Variants in MYT1L observed in about 807,000 individuals in gnomAD.
The protein encoded by MYT1L is myelin transcription factor 1 like.
A neutral mutation model predicts 126.7 loss-of-function variants in MYT1L; 12 were observed. That is an observed-to-expected ratio of 0.09 (90% CI 0.06 to 0.15). The LOEUF is 0.15. MYT1L is among the 10% of genes least tolerant of loss of function. MYT1L has a pLI of 1.00. For missense variants in MYT1L, 979 were observed against 1,585.2 expected (o/e 0.62, Z 6.49); for synonymous variants, 541 against 604.2 (o/e 0.90, Z 1.53).
At chr2:1,986,564 G>C (rs1353388490) in intron 5 of MYT1L, among the ~76,000 whole-genome samples, 3 of 152,202 alleles carry the variant, frequency 2.0e-5, no homozygotes, top group Non-Finnish European at 2.9e-5. Context: ...CAGTGGTGAT[G>C]CTTTCATAAA....
chr2:2,201,833 C>T (rs1380592037), intron 2 of MYT1L, among the ~76,000 whole-genome samples: 1 of 152,078 alleles, frequency 6.6e-6, no homozygotes, highest in East Asian at 1.9e-4. Context: ...CTTTTCTAAA[C>T]AATATTTCCA....
chr2:2,153,097 G>A (rs1287391859), intron 3 of MYT1L, among the ~76,000 whole-genome samples: 1 of 152,088 alleles, frequency 6.6e-6, no homozygotes, highest in Non-Finnish European at 1.5e-5. Flanking sequence ...CAGGTGTTCA[G>A]GACCAGCCTG....
intron 18 of MYT1L, among the ~76,000 whole-genome samples, chr2:1,873,274 T>C (rs2046475508): frequency 6.6e-6 from 1 of 152,212 alleles, no homozygotes; most frequent in Non-Finnish European, 1.5e-5. Flanking sequence ...TATAATAAAA[T>C]TAAAAACAAA....
chr2:2,115,899 G>C (rs939867778), intron 3 of MYT1L, among the ~76,000 whole-genome samples: 9 of 150,766 alleles, frequency 6.0e-5, no homozygotes, highest in African/African-American at 2.2e-4. Flanking sequence ...ACGTCCAGTC[G>C]ATGAAAACAG....
intron 2 of MYT1L, among the ~76,000 whole-genome samples, chr2:2,241,275 TTG>T (rs35742332): frequency 4.0e-5 from 6 of 150,828 alleles, no homozygotes; most frequent in South Asian, 4.2e-4. Context: ...AATACATCTT[TTG>T]TGTGTGTGTG....
chr2:1,957,752 G>T (rs1046919855), intron 8 of MYT1L, among the ~76,000 whole-genome samples: 1 of 152,252 alleles, frequency 6.6e-6, no homozygotes, highest in African/African-American at 2.4e-5. Flanking sequence ...GATGAAGGTC[G>T]CCGAGCATTT....
rs2050609345 is a variant in MYT1L, at chr2:1,903,435, A to G, written c.1818-141T>C. 3 of 677,846 alleles carry G rather than the reference A, an allele frequency of 4.4e-6. No homozygotes were observed. The South Asian group carries it at 6.0e-5, about 14-fold the overall frequency. The allele number at this position is 677,846 out of a possible 1,614,324, so 42.0% of individuals were successfully genotyped here. ...CTTGCACTAAAACTACAACTTTTTTATTTTCTGAATAAAAGACAAAATGTC... is the reference window on the plus strand; with the variant it reads ...CTTGCACTAAAACTACAACTTTTTTGTTTTCTGAATAAAAGACAAAATGTC... On this transcript the variant is annotated intron_variant, in intron 13 of 24. Coordinates refer to ENST00000647738, the MANE Select transcript of MYT1L (RefSeq NM_001303052.2).
At position 2,059,004 on chromosome 2, in the gene MYT1L, C is replaced by G. The variant is rs2070013518; in HGVS notation, c.-303-4881G>C. Among the ~76,000 whole-genome samples the G allele has an allele frequency of 6.6e-6, 1 of 152,174 alleles. No individual in the cohort carries two copies. The highest frequency in any genetic ancestry group is 1.5e-5 in the Non-Finnish European group (1 of 68,040). On this transcript the variant is annotated intron_variant, in intron 3 of 24. Coordinates refer to ENST00000647738, the MANE Select transcript of MYT1L (RefSeq NM_001303052.2). The surrounding 1 kb of genome is among the most constrained non-coding windows in gnomAD (Gnocchi z 4.7). Reference sequence around the variant, plus strand: ...CTTCAAGTGGAATATGAATTGAAACCATACCTAAGTGTGACTGCAGTTTAT... The same window carrying G: ...CTTCAAGTGGAATATGAATTGAAACGATACCTAAGTGTGACTGCAGTTTAT...
At chr2:1,946,722 T>C (rs1161219789) in intron 8 of MYT1L, among the ~76,000 whole-genome samples, 1 of 152,214 alleles carries the variant, frequency 6.6e-6, no homozygotes, top group Non-Finnish European at 1.5e-5. Context: ...ATTTCAAATA[T>C]GAAATAAACA....
intron 3 of MYT1L, among the ~76,000 whole-genome samples, chr2:2,107,147 A>T (rs1168076899): frequency 6.6e-6 from 1 of 152,220 alleles, no homozygotes; most frequent in African/African-American, 2.4e-5. Context: ...AGTGGTGGCA[A>T]AAAAGGAAGC....
At position 1,979,148 on chromosome 2, in the gene MYT1L, A is replaced by T; in HGVS notation, c.152+17T>A. On this transcript the variant is annotated intron_variant, in intron 8 of 24. Coordinates refer to ENST00000647738, the MANE Select transcript of MYT1L (RefSeq NM_001303052.2). The surrounding 1 kb of genome is among the most constrained non-coding windows in gnomAD (Gnocchi z 4.0). ...ACTTTAGACAGCACATTGTGGAAAA[A>T]AAAATGCAGGCATTACCTTCTGTGT... The T allele has an allele frequency of 1.2e-6, 2 of 1,609,054 alleles. No individual in the cohort carries two copies. Among genetic ancestry groups the T allele is most frequent in the Non-Finnish European group, 1.7e-6 (2 of 1,177,044 alleles).
chr2:2,135,220 A>ACCCT (rs1327690581), intron 3 of MYT1L, among the ~76,000 whole-genome samples: 2 of 152,164 alleles, frequency 1.3e-5, no homozygotes, highest in Non-Finnish European at 2.9e-5. Flanking sequence ...AGGGTAATTG[A>ACCCT]ATCATGGAGG....
intron 2 of MYT1L, among the ~76,000 whole-genome samples, chr2:2,282,346 A>G (rs2095459671): frequency 6.6e-6 from 1 of 152,238 alleles, no homozygotes; most frequent in African/African-American, 2.4e-5. Context: ...ATACATTTTT[A>G]GCCTTTACAA....
rs554154486 is a variant in MYT1L, at chr2:2,329,971, GT to G, written c.-521+995del. On this transcript the variant is annotated intron_variant, in intron 1 of 24. Coordinates refer to ENST00000647738, the MANE Select transcript of MYT1L (RefSeq NM_001303052.2). ...TGAAAACTTATAGGAATGCAATGCT[GT>G]TTTTTTTTTTGAAAAGGAATATTTT... 9.2e-3 allele frequency among the ~76,000 whole-genome samples: 1,326 copies of G among 143,710 alleles called. 6 individuals are homozygous for G. Among genetic ancestry groups the G allele is most frequent in the African/African-American group, 0.012 (471 of 39,462 alleles). 94.3% of individuals were successfully genotyped at this position (143,710 alleles called of 152,430 possible).
At chr2:1,924,613 T>G (rs1198684637) in intron 9 of MYT1L, among the ~76,000 whole-genome samples, 5 of 152,202 alleles carry the variant, frequency 3.3e-5, no homozygotes, top group Non-Finnish European at 7.4e-5. Context: ...AATAATATCC[T>G]TATTATCCCA....
In MYT1L at chr2:2,022,312, G is replaced by A. The variant is rs551049448; in HGVS notation, c.-157-24965C>T. 3.6e-4 allele frequency among the ~76,000 whole-genome samples: 55 copies of A among 152,246 alleles called. 2 individuals are homozygous for A. In the South Asian group the frequency reaches 0.011, roughly 29 times the overall value. On this transcript the variant is annotated intron_variant, in intron 4 of 24. Transcript: ENST00000647738. Reference sequence around the variant, plus strand: ...CCCAGAGAGCTCCGGTACCCACCTCGAAGTGGTCTGACAAGCTACAGTCCA... The same window carrying A: ...CCCAGAGAGCTCCGGTACCCACCTCAAAGTGGTCTGACAAGCTACAGTCCA...
chr2:2,163,796 G>T (rs1231553274), intron 3 of MYT1L, among the ~76,000 whole-genome samples: 1 of 151,852 alleles, frequency 6.6e-6, no homozygotes, highest in African/African-American at 2.4e-5. Context: ...TCGACCTCCT[G>T]TGCTGTCATA....
At chr2:2,074,532 C>T (rs889945926) in intron 3 of MYT1L, among the ~76,000 whole-genome samples, 4 of 151,954 alleles carry the variant, frequency 2.6e-5, no homozygotes, top group African/African-American at 9.7e-5. Flanking sequence ...TAAATGAAGA[C>T]CATTTGGGGG....
intron 3 of MYT1L, among the ~76,000 whole-genome samples, chr2:2,093,905 A>G (rs1324244088): frequency 6.6e-6 from 1 of 152,252 alleles, no homozygotes; most frequent in Non-Finnish European, 1.5e-5. Flanking sequence ...AGCTTTCTAC[A>G]TATGGCTAGC....
Sources: gnomAD v4.1 joint callset for allele counts (sites outside exome capture counted in the v4.1 genomes callset) on GRCh38, gnomAD v4.1.1 for gene constraint, Gnocchi (gnomAD v3.1) non-coding constraint, MANE v1.5 for transcripts, NCBI Gene and HGNC (gene_info 2026-07-23, HGNC 2026-07-21) for gene names.